The following ARL6IP4 variants were observed in gnomAD, a reference collection of about 807,000 sequenced individuals.
ARL6IP4 encodes ARF like GTPase 6 interacting protein 4, also known as ADP-ribosylation factor-like protein 6-interacting protein 4.
Under a neutral mutation model 28.1 loss-of-function variants are expected in ARL6IP4, and 24 were observed. The observed-to-expected ratio is 0.86, with a 90% CI of 0.62 to 1.20. The LOEUF (loss-of-function observed/expected upper bound fraction) is 1.20. Ranked by LOEUF, ARL6IP4 falls within the 50% of genes most tolerant of loss-of-function variation. The pLI is 0.00. For synonymous variants in ARL6IP4, 162 were observed against 122.3 expected (o/e 1.32, Z -2.14); for missense variants, 343 against 302.4 (o/e 1.13, Z -1.00).
Position 122,981,630 on chromosome 12 carries a change from T to A in ARL6IP4, c.220T>A (p.Ser74Thr). The A allele has an allele frequency of 6.4e-7, 1 of 1,560,790 alleles. No individual in the cohort carries two copies. The highest frequency in any genetic ancestry group is 2.4e-5 in the East Asian group (1 of 42,352). The change falls in exon 3 of 6, where the codon TCC (serine) becomes ACC (threonine). Residue 74 changes from serine to threonine, a missense_variant. Coordinates refer to ENST00000315580, the MANE Select transcript of ARL6IP4 (RefSeq NM_018694.4). ...SKQKARRRTR[S>T]SSSSSSSSSS... Reference sequence around the variant, plus strand: ...GCAGAAGGCCCGGAGGAGAACAAGATCCAGCTCCTCCTCCTCTTCTTCCAG... The same window carrying A: ...GCAGAAGGCCCGGAGGAGAACAAGAACCAGCTCCTCCTCCTCTTCTTCCAG...
rs1288018162 is a variant in ARL6IP4 at position 122,981,588 on chromosome 12, A to G, written c.178A>G (p.Ile60Val). The change falls in exon 3 of 6, where the codon ATC (isoleucine) becomes GTC (valine). Residue 60 changes from isoleucine (I) to valine (V), a missense_variant. Ile to Val is a conservative substitution (Grantham distance 29, BLOSUM62 3). Transcript: ENST00000315580. ...PGAEASPSPCITERSKQKARR... is the reference protein window; with the variant it reads ...PGAEASPSPCVTERSKQKARR... ...CCTTCCAGCCTCACCTTCTCCCTGC[A>G]TCACAGAGAGAAGCAAGCAGAAGGC... is the stretch of plus-strand genomic sequence containing the variant. 4 of 1,557,958 alleles carry G rather than the reference A, an allele frequency of 2.6e-6. No individual in the cohort carries two copies. The highest frequency in any genetic ancestry group is 2.6e-6 in the Non-Finnish European group (3 of 1,153,922).
At chr12:122,981,073 C>G (rs1050402072) in intron 1 of ARL6IP4, 56 bp from the exon 2 acceptor site, 129 of 1,506,242 alleles carry the variant, frequency 8.6e-5, no homozygotes, top group Non-Finnish European at 1.1e-4. Flanking sequence ...ACCCTTGGAG[C>G]CCGCCCGCGG....
Position 122,982,675 on chromosome 12 carries a change from G to C in ARL6IP4, c.713G>C (p.Ter238SerextTer72). The C allele has an allele frequency of 6.2e-7, 1 of 1,613,590 alleles. No individual in the cohort carries two copies. Among genetic ancestry groups the C allele is most frequent in the Non-Finnish European group, 8.5e-7 (1 of 1,180,012 alleles). Reference protein sequence around the residue: ...AFQMRAGLLP* With the variant: ...AFQMRAGLLPS ...CAGATGCGAGCTGGGTTGCTTCCCTGAGGGCCCCCGCTGGCCAAGGCCTGT... is the reference window on the plus strand; with the variant it reads ...CAGATGCGAGCTGGGTTGCTTCCCTCAGGGCCCCCGCTGGCCAAGGCCTGT... The change falls in exon 6 of 6, where the codon TGA (stop) becomes TCA (serine). Residue 238 changes from the stop codon to serine, a stop_lost. Coordinates refer to ENST00000315580, the MANE Select transcript of ARL6IP4 (RefSeq NM_018694.4).
chr12:122,982,823 G>T lies in ARL6IP4; in HGVS notation c.*147G>T. 1 of 857,746 alleles carries T rather than the reference G, an allele frequency of 1.2e-6. No homozygotes were observed. Among genetic ancestry groups the T allele is most frequent in the Non-Finnish European group, 1.8e-6 (1 of 552,816 alleles). 53.1% of individuals were successfully genotyped at this position (857,746 alleles called of 1,614,324 possible). A position where few individuals can be genotyped will look rare whatever the true frequency, so the allele number is the denominator to read the frequency against. Reference sequence around the variant, plus strand: ...CAGCCCAGTCTCTTCTCAGGGGCAGGGGGTGGAGGTTGGGGTCACCGGCCT... The same window carrying T: ...CAGCCCAGTCTCTTCTCAGGGGCAGTGGGTGGAGGTTGGGGTCACCGGCCT... On this transcript the variant is annotated 3_prime_UTR_variant, in exon 6 of 6. Transcript: ENST00000315580.
In ARL6IP4 at chr12:122,981,388, C is replaced by T. The variant is rs774466627; in HGVS notation, c.160+89C>T. ...TGGTCGGGGACGCTCAGTCATGCCT[C>T]TGTGCAGCCGGGCCTGAGATGTGAG... is the stretch of plus-strand genomic sequence containing the variant. On this transcript the variant is annotated intron_variant, in intron 2 of 5. Transcript: ENST00000315580. 4 of 1,463,184 alleles carry T rather than the reference C, an allele frequency of 2.7e-6. No individual in the cohort carries two copies. The Admixed American group carries it at 1.0e-4, about 37-fold the overall frequency. The allele number at this position is 1,463,184 out of a possible 1,614,324, so 90.6% of individuals were successfully genotyped here.
At chr12:122,981,471 G>A in intron 2 of ARL6IP4, 100 bp from the exon 3 acceptor site, 1 of 1,397,800 alleles carries the variant, frequency 7.2e-7, no homozygotes, top group Non-Finnish European at 9.5e-7. Flanking sequence ...TCTCTGTTCT[G>A]GAAAGCCCCT....
At chr12:122,981,077 C>T in intron 1 of ARL6IP4, 52 bp from the exon 2 acceptor site, 1 of 1,509,710 alleles carries the variant, frequency 6.6e-7, no homozygotes, top group Non-Finnish European at 8.9e-7. Flanking sequence ...TTGGAGCCCG[C>T]CCGCGGCCGG....
chr12:122,980,654 C>A, upstream of ARL6IP4: 1 of 1,386,910 alleles, frequency 7.2e-7, no homozygotes, highest in Admixed American at 3.2e-5. Context: ...GCCGGCCAGC[C>A]TCCCGCGCAG....
upstream of ARL6IP4, chr12:122,980,437 G>A: frequency 7.4e-7 from 1 of 1,360,328 alleles, no homozygotes; most frequent in Non-Finnish European, 9.5e-7. Flanking sequence ...CGCGAGGGTC[G>A]CCTTCTTCCC....
rs557381391 is a variant in ARL6IP4 at position 122,982,529 on chromosome 12, G to A, written c.648G>A (p.Glu216=). ...TCGTAACCAAAGAACGACACAGAGA[G>A]ATCAACAAGGTGGGTGTGGCCCCTC... ...EEIVTKERHR[E]INKQATRGDC... is the part of the protein sequence containing the mutation. Residue 216 remains glutamate (E), a synonymous_variant, in exon 5 of 6, where the codon GAG becomes GAA. Transcript: ENST00000315580. The A allele has an allele frequency of 3.1e-5, 50 of 1,614,172 alleles. No individual in the cohort carries two copies. In the East Asian group the frequency reaches 5.1e-4, roughly 17 times the overall value.
chr12:122,982,089 G>T lies in ARL6IP4; in HGVS notation c.587+15G>T. On this transcript the variant is annotated intron_variant, in intron 4 of 5. Coordinates refer to ENST00000315580, the MANE Select transcript of ARL6IP4 (RefSeq NM_018694.4). ...GGGCGCACCAGGTGGGGAGCTTTCG[G>T]CCTGACTTACACCACAGGATCTGGG... The T allele has an allele frequency of 6.2e-7, 1 of 1,611,434 alleles. No homozygotes were observed. Among genetic ancestry groups the T allele is most frequent in the Non-Finnish European group, 8.5e-7 (1 of 1,178,374 alleles).
At chr12:122,980,813 G>A (rs953318008) in intron 1 of ARL6IP4, 68 bp downstream of exon 1, 1 of 1,328,362 alleles carries the variant, frequency 7.5e-7, no homozygotes, top group African/African-American at 1.5e-5. Flanking sequence ...GGGCTGGAGG[G>A]TAGGAGAGCG....
intron 4 of ARL6IP4, 94 bp from the exon 5 acceptor site, chr12:122,982,375 C>T (rs1317573371): frequency 4.7e-6 from 6 of 1,269,624 alleles, no homozygotes; most frequent in Non-Finnish European, 6.7e-6. Flanking sequence ...GGGTGGGAGC[C>T]CTGGGACCCC....
At chr12:122,980,269 A>C, upstream of ARL6IP4, 3 of 1,248,652 alleles carry the variant, frequency 2.4e-6, no homozygotes, top group Non-Finnish European at 3.0e-6. Flanking sequence ...CCTGGGGTCC[A>C]TGCCCGCGCT....
intron 4 of ARL6IP4, 149 bp downstream of exon 4, chr12:122,982,223 T>C: frequency 1.1e-6 from 1 of 951,266 alleles, no homozygotes. Context: ...GAGTAAGTAG[T>C]TGCAGGGGCT....
At chr12:122,980,590 C>A, upstream of ARL6IP4, 1 of 1,391,808 alleles carries the variant, frequency 7.2e-7, no homozygotes, top group South Asian at 1.6e-5. Context: ...GGTGGGCGCG[C>A]CCGGGACGGA....
In ARL6IP4 at chr12:122,981,367, C is replaced by T. The variant is rs1485425759; in HGVS notation, c.160+68C>T. On this transcript the variant is annotated intron_variant, in intron 2 of 5. Transcript: ENST00000315580. ...CCGGGGAAGTCGGGCGAGCAGTGGT[C>T]GGGGACGCTCAGTCATGCCTCTGTG... The T allele has an allele frequency of 7.4e-6, 11 of 1,490,088 alleles. No individual in the cohort carries two copies. In the South Asian group the frequency reaches 1.1e-4, roughly 14 times the overall value. 92.3% of individuals were successfully genotyped at this position (1,490,088 alleles called of 1,614,324 possible).
rs759657728 is a variant in ARL6IP4, at chr12:122,982,466, C to T, written c.588-3C>T. ...TGCTGAACGGAGACCCTCCCACCCC[C>T]AGGCTTATTAAGGGAGATGGCGAGG... On this transcript the variant is annotated splice_region_variant and splice_polypyrimidine_tract_variant and intron_variant, in intron 4 of 5. Coordinates refer to ENST00000315580, the MANE Select transcript of ARL6IP4 (RefSeq NM_018694.4). 2.5e-6 allele frequency: 4 copies of T among 1,612,378 alleles called. No individual in the cohort carries two copies. Among genetic ancestry groups the T allele is most frequent in the Non-Finnish European group, 2.5e-6 (3 of 1,179,138 alleles).
rs2037658042 is a variant in ARL6IP4, at chr12:122,981,559, C to T, written c.161-12C>T. 6.5e-7 allele frequency: 1 copy of T among 1,534,596 alleles called. No homozygotes were observed. Among genetic ancestry groups the T allele is most frequent in the South Asian group, 1.2e-5 (1 of 82,268 alleles). On this transcript the variant is annotated splice_polypyrimidine_tract_variant and intron_variant, in intron 2 of 5. Coordinates refer to ENST00000315580, the MANE Select transcript of ARL6IP4 (RefSeq NM_018694.4). The stretch of plus-strand genomic sequence containing the variant: ...GGACGAAGGTTTACCTCTTCCCCTC[C>T]TGGCCTTCCAGCCTCACCTTCTCCC...
Sources: gnomAD v4.1 joint callset for allele counts on GRCh38, gnomAD v4.1.1 for gene constraint, MANE v1.5 for transcripts, NCBI Gene and HGNC (gene_info 2026-07-23, HGNC 2026-07-21) for gene names.